Variants in PCDH15 observed in about 807,000 individuals in gnomAD.
PCDH15 encodes protocadherin-15.
In PCDH15, 129 loss-of-function variants were observed where a neutral mutation model predicts 178.5. The observed-to-expected ratio is 0.72, with a 90% CI of 0.63 to 0.84. The LOEUF (loss-of-function observed/expected upper bound fraction) is 0.84, where lower values mean the gene tolerates loss of function less well. PCDH15 is among the 40% of genes least tolerant of loss of function. The probability of loss-of-function intolerance (pLI) is 0.00; values close to 1 mark genes in which losing one functional copy is unlikely to be tolerated. For synonymous variants in PCDH15, 800 were observed against 732.0 expected (o/e 1.09, Z -1.50); for missense variants, 2,230 against 2,099.9 (o/e 1.06, Z -1.21).
chr10:54,225,467 T>A (rs2053329882), intron 9 of PCDH15, among the ~76,000 whole-genome samples: 1 of 152,328 alleles, frequency 6.6e-6, no homozygotes. Flanking sequence ...GTCTCTCTGA[T>A]GTGTTCCTTT....
chr10:54,086,845 C>T (rs1656851455), intron 16 of PCDH15, among the ~76,000 whole-genome samples: 1 of 152,204 alleles, frequency 6.6e-6, no homozygotes, highest in Admixed American at 6.5e-5. Context: ...CATTAAGAAT[C>T]ATGGTCAATT....
At chr10:55,448,240 A>G (rs1342104354) in intron 2 of PCDH15, among the ~76,000 whole-genome samples, 1 of 152,062 alleles carries the variant, frequency 6.6e-6, no homozygotes, top group Admixed American at 6.6e-5. Context: ...AGTTGTCAGA[A>G]ATCAAACATG....
intron 2 of PCDH15, among the ~76,000 whole-genome samples, chr10:55,010,179 C>A (rs1157467089): frequency 6.6e-6 from 1 of 151,918 alleles, no homozygotes. Context: ...TAAGATTGTA[C>A]AACCTGAAGT....
intron 3 of PCDH15, among the ~76,000 whole-genome samples, chr10:54,526,675 A>G (rs923042034): frequency 6.6e-6 from 1 of 152,202 alleles, no homozygotes; most frequent in African/African-American, 2.4e-5. Context: ...AAATGTTCAC[A>G]TTTTTGTAAT....
chr10:54,226,226 C>T (rs1180214886), intron 9 of PCDH15, among the ~76,000 whole-genome samples: 2 of 152,178 alleles, frequency 1.3e-5, no homozygotes, highest in African/African-American at 4.8e-5. Context: ...AAAAGCACGT[C>T]ACTTCTTACA....
chr10:54,733,056 T>A (rs1377719713), intron 1 of PCDH15, among the ~76,000 whole-genome samples: 1 of 151,602 alleles, frequency 6.6e-6, no homozygotes, highest in African/African-American at 2.4e-5. Context: ...CAGCTAACAT[T>A]ATAATGGCGA....
chr10:54,373,297 T>C (rs988526654), intron 4 of PCDH15, among the ~76,000 whole-genome samples: 4 of 151,830 alleles, frequency 2.6e-5, no homozygotes, highest in Non-Finnish European at 5.9e-5. Flanking sequence ...TTTGTCATGA[T>C]ATTTCTGTCT....
chr10:54,758,394 AC>A (rs2133103516), intron 1 of PCDH15, among the ~76,000 whole-genome samples: 2 of 152,278 alleles, frequency 1.3e-5, no homozygotes, highest in East Asian at 3.9e-4. Flanking sequence ...GTGATACTCT[AC>A]AGTGTATTGT....
chr10:54,233,127 A>G (rs2054254276), intron 9 of PCDH15, among the ~76,000 whole-genome samples: 1 of 151,528 alleles, frequency 6.6e-6, no homozygotes, highest in South Asian at 2.1e-4. Flanking sequence ...TATTTTTTGT[A>G]GAGACAGGGT....
At chr10:55,350,080 C>A (rs2131965295) in intron 2 of PCDH15, among the ~76,000 whole-genome samples, 1 of 151,608 alleles carries the variant, frequency 6.6e-6, no homozygotes, top group South Asian at 2.1e-4. Context: ...CACCATTTTT[C>A]CATATAGCAG....
intron 17 of PCDH15, among the ~76,000 whole-genome samples, chr10:54,071,465 CA>C (rs1027572018): frequency 1.3e-5 from 2 of 151,910 alleles, no homozygotes; most frequent in Non-Finnish European, 2.9e-5. Context: ...TATTTAATCA[CA>C]AAAAAATGCA....
chr10:54,235,308 G>T (rs1188165834), intron 9 of PCDH15, among the ~76,000 whole-genome samples: 1 of 152,084 alleles, frequency 6.6e-6, no homozygotes, highest in Non-Finnish European at 1.5e-5. Flanking sequence ...CCAGAAAACT[G>T]GCTCCACAAA....
At chr10:55,514,361 T>C (rs1840958757) in intron 2 of PCDH15, among the ~76,000 whole-genome samples, 2 of 152,130 alleles carry the variant, frequency 1.3e-5, no homozygotes, top group Non-Finnish European at 2.9e-5. Flanking sequence ...TTTGGTATAG[T>C]ATTGTAGAGG....
intron 2 of PCDH15, among the ~76,000 whole-genome samples, chr10:55,539,340 CATT>C (rs1384407041): frequency 6.6e-6 from 1 of 151,928 alleles, no homozygotes; most frequent in Non-Finnish European, 1.5e-5. Flanking sequence ...ATTTTACTAT[CATT>C]ATCATCATCA....
chr10:54,268,559 A>G (rs1342388572), intron 8 of PCDH15, among the ~76,000 whole-genome samples: 1 of 151,934 alleles, frequency 6.6e-6, no homozygotes, highest in East Asian at 1.9e-4. Flanking sequence ...ATGCATATAT[A>G]CCATGGAATA....
chr10:54,882,559 T>G (rs939764228), intron 3 of PCDH15, among the ~76,000 whole-genome samples: 152 of 152,194 alleles, frequency 1.0e-3, no homozygotes, highest in African/African-American at 3.4e-3. Context: ...GACATCCACA[T>G]AAACATCTAT....
intron 30 of PCDH15, among the ~76,000 whole-genome samples, chr10:53,830,965 A>G (rs2076980649): frequency 6.6e-6 from 1 of 152,190 alleles, no homozygotes; most frequent in South Asian, 2.1e-4. Context: ...GGGTATCCGC[A>G]TATGACATTC....
intron 1 of PCDH15, among the ~76,000 whole-genome samples, chr10:55,283,296 A>G (rs1053415678): frequency 6.6e-6 from 1 of 152,006 alleles, no homozygotes. Context: ...TCAACTCCCT[A>G]TGATTTCATC....
At chr10:55,547,946 A>AGAGAGAGAC (rs1362080657) in intron 2 of PCDH15, among the ~76,000 whole-genome samples, 2 of 150,236 alleles carry the variant, frequency 1.3e-5, no homozygotes, top group Non-Finnish European at 3.0e-5. Context: ...AGAGAGAGAG[A>AGAGAGAGAC]GAGAGACAGG....
Sources: allele counts gnomAD v4.1 joint callset (sites outside exome capture counted in the v4.1 genomes callset), GRCh38; gene constraint gnomAD v4.1.1; transcripts MANE v1.5; gene names NCBI Gene and HGNC (gene_info 2026-07-23, HGNC 2026-07-21).